Variants in TBCE observed in about 807,000 individuals in gnomAD.
The protein encoded by TBCE is tubulin folding cofactor E, also known as tubulin-specific chaperone E.
In TBCE, 53 loss-of-function variants were observed where a neutral mutation model predicts 77.0. That is an observed-to-expected ratio of 0.69 (90% CI 0.55 to 0.87). The LOEUF (loss-of-function observed/expected upper bound fraction) is 0.87, where lower values mean the gene tolerates loss of function less well. TBCE is among the 40% of genes least tolerant of loss of function. The probability of loss-of-function intolerance (pLI) is 0.00; values close to 1 mark genes in which losing one functional copy is unlikely to be tolerated. For synonymous variants in TBCE, 235 were observed against 241.3 expected, an observed-to-expected ratio of 0.97 and a Z score of 0.24; for missense variants, 624 against 622.4, an observed-to-expected ratio of 1.00 and a Z score of -0.03.
Position 235,436,550 on chromosome 1 carries a change from A to G in TBCE, c.905A>G (p.Lys302Arg). 1 of 1,613,984 alleles carries G rather than the reference A, an allele frequency of 6.2e-7. No homozygotes were observed. The highest frequency in any genetic ancestry group is 8.5e-7 in the Non-Finnish European group (1 of 1,179,944). The change falls in exon 11 of 17, where the codon AAA becomes AGA. Residue 302 changes from lysine (K) to arginine (R), a missense_variant. Physicochemically the swap from Lys to Arg is conservative, Grantham distance 26. Coordinates refer to ENST00000642610, the MANE Select transcript of TBCE (RefSeq NM_003193.5). Reference sequence around the variant, plus strand: ...TTCATTCCTCTTTTTATAGGGTGCAAAACGTCCATGTTCCCATCCTTGAAG... The same window carrying G: ...TTCATTCCTCTTTTTATAGGGTGCAGAACGTCCATGTTCCCATCCTTGAAG... Reference protein sequence around the residue: ...LHFPDAGIGCKTSMFPSLKYL... With the variant: ...LHFPDAGIGCRTSMFPSLKYL...
intron 13 of TBCE, among the ~76,000 whole-genome samples, chr1:235,439,616 TAG>T (rs112572292): frequency 0.6 from 89,326 of 149,280 alleles, 26,900 homozygotes; most frequent in African/African-American, 0.66. Context: ...GCCTCCTGAG[TAG>T]CTGGGATTAG....
intron 2 of TBCE, among the ~76,000 whole-genome samples, chr1:235,400,004 T>C (rs1313704867): frequency 1.3e-5 from 2 of 152,234 alleles, no homozygotes; most frequent in African/African-American, 4.8e-5. Context: ...TTTTAACTTA[T>C]GCAGTAGTTA....
chr1:235,380,261 A>C, intron 2 of TBCE, 112 bp downstream of exon 2: 1 of 1,005,430 alleles, frequency 9.9e-7, no homozygotes, highest in Admixed American at 1.9e-5. Flanking sequence ...ACTTTATACC[A>C]CAAATTTTGA....
intron 2 of TBCE, among the ~76,000 whole-genome samples, chr1:235,385,388 CGTT>C (rs1677937582): frequency 6.6e-6 from 1 of 151,964 alleles, no homozygotes; most frequent in South Asian, 2.1e-4. Flanking sequence ...CTTTCTGTCT[CGTT>C]GATCTGTCTA....
At chr1:235,405,333 T>A (rs1462825066) in intron 3 of TBCE, among the ~76,000 whole-genome samples, 1 of 151,626 alleles carries the variant, frequency 6.6e-6, no homozygotes, top group African/African-American at 2.4e-5. Context: ...TTTTTTTTTT[T>A]TTTTTTAATA....
At chr1:235,443,537 C>T (rs772828583) in intron 15 of TBCE, among the ~76,000 whole-genome samples, 1 of 152,116 alleles carries the variant, frequency 6.6e-6, no homozygotes, top group South Asian at 2.1e-4. Flanking sequence ...AACCTGAGAC[C>T]TTGAATGGCA....
chr1:235,384,916 A>C (rs1185033942), intron 2 of TBCE, among the ~76,000 whole-genome samples: 1 of 150,768 alleles, frequency 6.6e-6, no homozygotes, highest in South Asian at 2.1e-4. Flanking sequence ...TTAGGGTGTC[A>C]ATTTTGGATC....
At position 235,414,466 on chromosome 1, in the gene TBCE, C is replaced by G; in HGVS notation, c.219C>G (p.Asn73Lys). The G allele has an allele frequency of 6.2e-7, 1 of 1,613,730 alleles. No individual in the cohort carries two copies. The highest frequency in any genetic ancestry group is 8.5e-7 in the Non-Finnish European group (1 of 1,179,966). The change falls in exon 4 of 17, where the codon AAC becomes AAG. Residue 73 changes from asparagine to lysine, a missense_variant. By Grantham distance (94) the Asn-to-Lys change is moderately conservative. Coordinates refer to ENST00000642610, the MANE Select transcript of TBCE (RefSeq NM_003193.5). ...HPTGGSFIRP[N>K]KVNFGTDFLT... ...CAGGAGGATCCTTTATTCGTCCGAACAAGGTAAATTTTGGAACAGACTTTC... is the reference window on the plus strand; with the variant it reads ...CAGGAGGATCCTTTATTCGTCCGAAGAAGGTAAATTTTGGAACAGACTTTC...
rs143550921 is a variant in TBCE, at chr1:235,405,831, G to A, written c.185+4244G>A. Among the ~76,000 whole-genome samples the A allele has an allele frequency of 7.7e-3, 1,172 of 152,172 alleles. 14 individuals are homozygous for A. The highest frequency in any genetic ancestry group is 0.026 in the African/African-American group (1,095 of 41,518). On this transcript the variant is annotated intron_variant, in intron 3 of 16. Coordinates refer to ENST00000642610, the MANE Select transcript of TBCE (RefSeq NM_003193.5). ...TTTACACCAGCATCACCACAAACAC[G>A]AGTATTATGTTGTACTACAGCATTA... is the stretch of plus-strand genomic sequence containing the variant.
At chr1:235,433,777 T>G (rs1010463486) in intron 7 of TBCE, 2 of 160,900 alleles carry the variant, frequency 1.2e-5, no homozygotes, top group African/African-American at 4.8e-5. Flanking sequence ...GTTGAGAAAT[T>G]TATGAAAGGA....
chr1:235,434,210 C>CG lies in TBCE; in HGVS notation c.669dup (p.Cys224ValfsTer14). The CG allele has an allele frequency of 6.2e-7, 1 of 1,614,058 alleles. No homozygotes were observed. ...AACCGAGTTTCTCTTCCAGGTGCTG[C>CG]GGTGTGTCGCGGGGTGCCCAGGCCT... On this transcript the variant is annotated frameshift_variant, in exon 8 of 17. Transcript: ENST00000642610. LOFTEE classifies it high-confidence loss of function.
intron 11 of TBCE, among the ~76,000 whole-genome samples, chr1:235,436,995 G>GGC (rs1158993434): frequency 6.6e-6 from 1 of 152,082 alleles, no homozygotes; most frequent in Non-Finnish European, 1.5e-5. Flanking sequence ...CGGGCGTGGT[G>GGC]GCGCATGCCT....
At chr1:235,442,708 A>C in intron 14 of TBCE, 144 bp from the exon 15 acceptor site, 2 of 726,062 alleles carry the variant, frequency 2.8e-6, no homozygotes, top group Non-Finnish European at 4.8e-6. Context: ...TGGAAGGATT[A>C]ATAGAAAGAA....
intron 2 of TBCE, among the ~76,000 whole-genome samples, chr1:235,395,766 A>G (rs1281558954): frequency 6.6e-6 from 1 of 151,580 alleles, no homozygotes; most frequent in East Asian, 2.0e-4. Context: ...GCTGCTCTCG[A>G]ACTCCTGACC....
At chr1:235,432,188 T>C (rs1048007031) in intron 7 of TBCE, among the ~76,000 whole-genome samples, 2 of 152,138 alleles carry the variant, frequency 1.3e-5, no homozygotes, top group African/African-American at 4.8e-5. Flanking sequence ...TTCACCATGT[T>C]GGCCAGGATG....
In TBCE at chr1:235,433,012, G is replaced by A. The variant is rs569006204; in HGVS notation, c.661-1192G>A. 10 of 1,527,036 alleles carry A rather than the reference G, an allele frequency of 6.5e-6. No individual in the cohort carries two copies. In the East Asian group the frequency reaches 2.5e-4, roughly 38 times the overall value. 94.6% of individuals were successfully genotyped at this position (1,527,036 alleles called of 1,614,324 possible). A position where few individuals can be genotyped will look rare whatever the true frequency, so the allele number is the denominator to read the frequency against. On this transcript the variant is annotated intron_variant, in intron 7 of 16. Coordinates refer to ENST00000642610, the MANE Select transcript of TBCE (RefSeq NM_003193.5). ...GCAGAAAGACGCCAGCAAGTTCGTG[G>A]ATCTGTGCGTGCTGCAGAAATGCTC...
At chr1:235,371,234 T>A (rs558158399) in intron 1 of TBCE, among the ~76,000 whole-genome samples, 95 of 151,564 alleles carry the variant, frequency 6.3e-4, no homozygotes, top group Middle Eastern at 6.8e-3. Context: ...TTTTGTATTT[T>A]TAGTAGAGAT....
intron 5 of TBCE, among the ~76,000 whole-genome samples, chr1:235,421,520 C>T (rs1680399442): frequency 6.6e-6 from 1 of 152,052 alleles, no homozygotes; most frequent in African/African-American, 2.4e-5. Flanking sequence ...CCAACCTGGC[C>T]AACCTGGTGA....
intron 15 of TBCE, among the ~76,000 whole-genome samples, chr1:235,444,343 A>G (rs1682100412): frequency 6.6e-6 from 1 of 152,172 alleles, no homozygotes; most frequent in African/African-American, 2.4e-5. Flanking sequence ...AAACTTAGAC[A>G]GACAGTAAAG....
Sources: gnomAD v4.1 joint callset for allele counts (sites outside exome capture counted in the v4.1 genomes callset) on GRCh38, gnomAD v4.1.1 for gene constraint, MANE v1.5 for transcripts, NCBI Gene and HGNC (gene_info 2026-07-23, HGNC 2026-07-21) for gene names.